Variants in XKR9 observed in about 807,000 individuals in gnomAD.
XKR9 encodes the protein XK-related protein 9.
A neutral mutation model predicts 32.0 loss-of-function variants in XKR9; 32 were observed. That is an observed-to-expected ratio of 1.00 (90% CI 0.76 to 1.34). The LOEUF (loss-of-function observed/expected upper bound fraction) is 1.34. Ranked by LOEUF, XKR9 falls within the 40% of genes most tolerant of loss-of-function variation. The probability of loss-of-function intolerance (pLI) is 0.00; values close to 1 mark genes in which losing one functional copy is unlikely to be tolerated. For synonymous variants in XKR9, 168 were observed against 143.4 expected (o/e 1.17, Z -1.22); for missense variants, 546 against 429.7 (o/e 1.27, Z -2.39).
At chr8:70,912,457 A>T in the XKR9 span, among the ~76,000 whole-genome samples, 15 of 152,058 alleles carry the variant, frequency 9.9e-5, no homozygotes, top group Non-Finnish European at 7.4e-5. Flanking sequence ...AGTCTTCTGG[A>T]GGTAAATGAT....
chr8:70,834,661 G>A, the XKR9 span, among the ~76,000 whole-genome samples: 1 of 152,198 alleles, frequency 6.6e-6, no homozygotes, highest in South Asian at 2.1e-4. Context: ...AGAAGAAGGT[G>A]TAATAAATCC....
the XKR9 span, among the ~76,000 whole-genome samples, chr8:70,912,916 T>C: frequency 6.6e-6 from 1 of 152,318 alleles, no homozygotes; most frequent in African/African-American, 2.4e-5. Context: ...GATCAAGTAA[T>C]TAAGTTCAAG....
At chr8:70,698,078 CTTCT>C (rs1423804616) in intron 3 of XKR9, among the ~76,000 whole-genome samples, 1 of 151,470 alleles carries the variant, frequency 6.6e-6, no homozygotes, top group Non-Finnish European at 1.5e-5. Context: ...TCTCTCTTTT[CTTCT>C]TTATTAGTCT....
chr8:70,727,685 A>G lies in XKR9; in HGVS notation c.494-6111A>G, dbSNP rs538159744. The stretch of plus-strand genomic sequence containing the variant: ...AGTGCTGGGATTACAGGCATGAACC[A>G]CCGCGCCTGGCCTGTGGATCAGGGT... On this transcript the variant is annotated intron_variant, in intron 4 of 4. Coordinates refer to ENST00000408926, the MANE Select transcript of XKR9 (RefSeq NM_001011720.2). Among the ~76,000 whole-genome samples, 8 of 152,108 alleles carry G rather than the reference A, an allele frequency of 5.3e-5. 1 individual carries two copies. In the South Asian group the frequency reaches 1.7e-3, roughly 32 times the overall value.
chr8:70,808,346 C>G, the XKR9 span, among the ~76,000 whole-genome samples: 258 of 152,314 alleles, frequency 1.7e-3, no homozygotes, highest in Non-Finnish European at 2.6e-3. Context: ...AGGAACAGCT[C>G]CAGTCTACAG....
the XKR9 span, among the ~76,000 whole-genome samples, chr8:70,796,180 A>G: frequency 1.3e-5 from 2 of 152,050 alleles, 1 homozygote; most frequent in Non-Finnish European, 2.9e-5. Context: ...AGCATAGTAC[A>G]AGAAGTAGTT....
At chr8:70,753,077 G>GT in intron 2 of XKR9, among the ~76,000 whole-genome samples, 1 of 152,286 alleles carries the variant, frequency 6.6e-6, no homozygotes, top group South Asian at 2.1e-4. Context: ...AAATGATAAA[G>GT]GGGACATCAC....
the XKR9 span, among the ~76,000 whole-genome samples, chr8:71,049,943 C>T: frequency 6.6e-6 from 1 of 152,068 alleles, no homozygotes; most frequent in African/African-American, 2.4e-5. Context: ...TGAACAGCAT[C>T]TGACTGAAAG....
the XKR9 span, among the ~76,000 whole-genome samples, chr8:70,995,842 A>G: frequency 1.3e-5 from 2 of 152,054 alleles, no homozygotes; most frequent in Non-Finnish European, 2.9e-5. Flanking sequence ...TTCACTGACC[A>G]TTTTCCACTT....
At chr8:70,875,660 A>T in the XKR9 span, among the ~76,000 whole-genome samples, 2 of 152,194 alleles carry the variant, frequency 1.3e-5, no homozygotes, top group Non-Finnish European at 2.9e-5. Context: ...TGAAAGTTTT[A>T]TATATCTTTC....
the XKR9 span, among the ~76,000 whole-genome samples, chr8:70,965,725 C>G: frequency 6.6e-6 from 1 of 152,246 alleles, no homozygotes; most frequent in South Asian, 2.1e-4. Context: ...TCTAGGTTTT[C>G]TAGTTTATGT....
the XKR9 span, among the ~76,000 whole-genome samples, chr8:71,015,777 T>TA: frequency 4.2e-3 from 624 of 148,982 alleles, 4 homozygotes; most frequent in African/African-American, 0.013. Flanking sequence ...CATTAGCTGT[T>TA]AAAAAAAAAA....
the XKR9 span, among the ~76,000 whole-genome samples, chr8:70,851,841 C>T: frequency 1.3e-5 from 2 of 152,166 alleles, no homozygotes; most frequent in Admixed American, 6.5e-5. Context: ...TAGAAGAAAA[C>T]CTAGGCTATA....
At chr8:70,851,690 C>G in the XKR9 span, among the ~76,000 whole-genome samples, 2 of 152,146 alleles carry the variant, frequency 1.3e-5, no homozygotes, top group Non-Finnish European at 2.9e-5. Context: ...GGAAAGGATT[C>G]CCTATTTAAT....
the XKR9 span, among the ~76,000 whole-genome samples, chr8:70,924,067 C>T: frequency 6.6e-6 from 1 of 152,196 alleles, no homozygotes; most frequent in Non-Finnish European, 1.5e-5. Flanking sequence ...GATTTCATTG[C>T]TAATTCCCGG....
the XKR9 span, among the ~76,000 whole-genome samples, chr8:70,959,762 G>A: frequency 1.4e-4 from 22 of 152,210 alleles, no homozygotes; most frequent in Admixed American, 5.2e-4. Context: ...GCTGAACATC[G>A]TTTTCTATAT....
chr8:70,699,165 G>A (rs952904116), intron 3 of XKR9, among the ~76,000 whole-genome samples: 4 of 152,154 alleles, frequency 2.6e-5, no homozygotes, highest in East Asian at 1.9e-4. Context: ...TTTAACTGGA[G>A]CATTTAGTCC....
chr8:70,797,535 G>A, the XKR9 span, among the ~76,000 whole-genome samples: 3 of 151,572 alleles, frequency 2.0e-5, no homozygotes, highest in Non-Finnish European at 4.4e-5. Flanking sequence ...GCAGCCCTTG[G>A]TCTCATAGCT....
intron 2 of XKR9, among the ~76,000 whole-genome samples, chr8:70,759,450 A>G (rs1164945994): frequency 6.6e-6 from 1 of 152,196 alleles, no homozygotes; most frequent in Admixed American, 6.6e-5. Flanking sequence ...CCTCCTTTTT[A>G]TTGTGAGATA....
Sources: gnomAD v4.1 joint callset for allele counts (sites outside exome capture counted in the v4.1 genomes callset) on GRCh38, gnomAD v4.1.1 for gene constraint, MANE v1.5 for transcripts, NCBI Gene and HGNC (gene_info 2026-07-23, HGNC 2026-07-21) for gene names.